The following MAMDC2 variants were observed in gnomAD, a reference collection of about 807,000 sequenced individuals.
MAMDC2 encodes MAM domain-containing protein 2.
In MAMDC2, 57 loss-of-function variants were observed where a neutral mutation model predicts 89.8. The observed-to-expected ratio is 0.63, with a 90% CI of 0.51 to 0.79. The LOEUF is 0.79. Among genes scored for constraint, MAMDC2 ranks in the 30% least tolerant of loss-of-function variants. The pLI is 0.00. For synonymous variants in MAMDC2, 313 were observed against 293.4 expected (o/e 1.07, Z -0.68); for missense variants, 800 against 820.6 (o/e 0.97, Z 0.31).
intron 2 of MAMDC2, among the ~76,000 whole-genome samples, chr9:70,065,105 T>G (rs1827235854): frequency 6.6e-6 from 1 of 152,168 alleles, no homozygotes; most frequent in Non-Finnish European, 1.5e-5. Flanking sequence ...GGAAACATAC[T>G]AGAGAAACGA....
At chr9:70,105,472 T>C (rs764753509) in intron 2 of MAMDC2, among the ~76,000 whole-genome samples, 2 of 152,164 alleles carry the variant, frequency 1.3e-5, no homozygotes, top group African/African-American at 2.4e-5. Context: ...TTCTGCTGAG[T>C]GGATTGCATC....
intron 11 of MAMDC2, among the ~76,000 whole-genome samples, chr9:70,189,622 T>TA (rs1345071844): frequency 6.6e-6 from 1 of 152,166 alleles, no homozygotes; most frequent in Non-Finnish European, 1.5e-5. Flanking sequence ...CTTATATTTT[T>TA]AAAAATCAGG....
At chr9:70,106,389 T>C (rs1828341590) in intron 2 of MAMDC2, among the ~76,000 whole-genome samples, 2 of 152,144 alleles carry the variant, frequency 1.3e-5, no homozygotes, top group Non-Finnish European at 2.9e-5. Flanking sequence ...TCGGAAAAGG[T>C]TTGAGGTACT....
chr9:70,129,885 T>C (rs1191981769), intron 6 of MAMDC2, among the ~76,000 whole-genome samples: 1 of 152,114 alleles, frequency 6.6e-6, no homozygotes, highest in Non-Finnish European at 1.5e-5. Context: ...TGGCAGGGCT[T>C]GTTCCTTCTG....
At chr9:70,129,354 T>G (rs1223308228) in intron 6 of MAMDC2, among the ~76,000 whole-genome samples, 6 of 152,194 alleles carry the variant, frequency 3.9e-5, no homozygotes, top group African/African-American at 1.4e-4. Flanking sequence ...CCTCTTTGCC[T>G]TCTGCCATGA....
rs1563965743 is a variant in MAMDC2, at chr9:70,126,377, C to T, written c.862C>T (p.Leu288Phe). ...ADRPGNAAWN[L>F]AEVEFSAPYP... ...CAGGCCAGGGAATGCTGCCTGGAAC[C>T]TTGCGGAGGTCGAGTTCAGTGCTCC... Residue 288 changes from leucine (L) to phenylalanine (F), a missense_variant, in exon 6 of 14, where the codon CTT (leucine) becomes TTT (phenylalanine). Transcript: ENST00000377182. 1.9e-6 allele frequency: 3 copies of T among 1,613,988 alleles called. No individual in the cohort carries two copies. The highest frequency in any genetic ancestry group is 2.5e-6 in the Non-Finnish European group (3 of 1,179,982).
intron 8 of MAMDC2, among the ~76,000 whole-genome samples, chr9:70,143,207 C>T (rs1042278616): frequency 1.3e-5 from 2 of 152,188 alleles, no homozygotes; most frequent in African/African-American, 4.8e-5. Flanking sequence ...TCGGAATGTA[C>T]AATCTAAGTC....
intron 2 of MAMDC2, among the ~76,000 whole-genome samples, chr9:70,045,066 A>G (rs1247145281): frequency 6.6e-6 from 1 of 152,226 alleles, no homozygotes; most frequent in African/African-American, 2.4e-5. Flanking sequence ...CTCAGGAGAC[A>G]TGTCTGTGAG....
At chr9:70,155,831 C>A (rs2031742854) in intron 9 of MAMDC2, among the ~76,000 whole-genome samples, 1 of 152,124 alleles carries the variant, frequency 6.6e-6, no homozygotes, top group South Asian at 2.1e-4. Context: ...ATTATACATA[C>A]CCAGGAAAGT....
intron 2 of MAMDC2, among the ~76,000 whole-genome samples, chr9:70,103,306 G>T (rs1017055211): frequency 2.0e-5 from 3 of 152,196 alleles, no homozygotes; most frequent in East Asian, 1.9e-4. Flanking sequence ...AATGAGTATA[G>T]GTCGGAGGTC....
At chr9:70,091,299 C>T (rs1446056681) in intron 2 of MAMDC2, among the ~76,000 whole-genome samples, 1 of 152,168 alleles carries the variant, frequency 6.6e-6, no homozygotes, top group Non-Finnish European at 1.5e-5. Flanking sequence ...CAGCCCACTG[C>T]TATGCTGGAG....
chr9:70,072,791 C>A (rs1827438263), intron 2 of MAMDC2, among the ~76,000 whole-genome samples: 2 of 151,746 alleles, frequency 1.3e-5, no homozygotes. Flanking sequence ...AAATTAAAGG[C>A]AAAAAAAGCA....
intron 2 of MAMDC2, among the ~76,000 whole-genome samples, chr9:70,100,390 AC>A (rs1421942953): frequency 6.6e-6 from 1 of 152,186 alleles, no homozygotes; most frequent in African/African-American, 2.4e-5. Flanking sequence ...CCACAGCAGG[AC>A]CTGATCCAGG....
intron 9 of MAMDC2, among the ~76,000 whole-genome samples, chr9:70,151,316 T>G (rs1216951372): frequency 6.6e-6 from 1 of 152,248 alleles, no homozygotes; most frequent in Admixed American, 6.5e-5. Flanking sequence ...AAATCTGAAA[T>G]GATCTCATTT....
In MAMDC2 at chr9:70,226,009, G is replaced by A. The variant is rs531060041; in HGVS notation, c.2038G>A (p.Asp680Asn). The change falls in exon 14 of 14, where the codon GAC becomes AAC. Residue 680 changes from aspartate (D) to asparagine (N), a missense_variant. By Grantham distance (23) the Asp-to-Asn change is conservative. Transcript: ENST00000377182. ...TTQQSSGYSEDLNEIEY is the reference protein window; with the variant it reads ...TTQQSSGYSENLNEIEY ...TCAACAATCATCAGGATATTCTGAG[G>A]ACTTAAATGAAATTGAGTATTAAGA... The A allele has an allele frequency of 1.0e-5, 16 of 1,583,396 alleles. No homozygotes were observed. In the East Asian group the frequency reaches 1.4e-4, roughly 13 times the overall value.
chr9:70,173,319 A>T (rs1056734144), intron 11 of MAMDC2, among the ~76,000 whole-genome samples: 15 of 152,198 alleles, frequency 9.9e-5, no homozygotes, highest in African/African-American at 3.1e-4. Flanking sequence ...GATTCCCCAC[A>T]GAATTTAGTA....
At chr9:70,224,223 G>A (rs111981212) in intron 12 of MAMDC2, among the ~76,000 whole-genome samples, 1 of 152,048 alleles carries the variant, frequency 6.6e-6, no homozygotes, top group Non-Finnish European at 1.5e-5. Context: ...ACCAGTAAGA[G>A]GAGAAAGAGA....
chr9:70,212,019 T>G (rs557828388), intron 11 of MAMDC2, among the ~76,000 whole-genome samples: 1 of 152,260 alleles, frequency 6.6e-6, no homozygotes, highest in African/African-American at 2.4e-5. Context: ...CCAGCTGTAT[T>G]AAGTGTCAGT....
At chr9:70,093,089 A>G (rs928077228) in intron 2 of MAMDC2, among the ~76,000 whole-genome samples, 25 of 152,114 alleles carry the variant, frequency 1.6e-4, no homozygotes, top group African/African-American at 5.6e-4. Flanking sequence ...GTGTGTGTGT[A>G]TATATATTTA....
Sources: allele counts gnomAD v4.1 joint callset (sites outside exome capture counted in the v4.1 genomes callset), GRCh38; gene constraint gnomAD v4.1.1; transcripts MANE v1.5; gene names NCBI Gene and HGNC (gene_info 2026-07-23, HGNC 2026-07-21).